Variants in GALNT13 observed in about 807,000 individuals in gnomAD.
GALNT13 encodes the protein UDP-GalNAc:polypeptide N-acetylgalactosaminyltransferase 13.
A neutral mutation model predicts 64.2 loss-of-function variants in GALNT13; 28 were observed. The observed-to-expected ratio is 0.44, with a 90% CI of 0.32 to 0.60. The LOEUF (loss-of-function observed/expected upper bound fraction) is 0.60. Among genes scored for constraint, GALNT13 ranks in the 20% least tolerant of loss-of-function variants. The pLI is 0.05. For missense variants in GALNT13, 577 were observed against 669.8 expected (o/e 0.86, Z 1.53); for synonymous variants, 214 against 224.6 (o/e 0.95, Z 0.42).
intron 9 of GALNT13, among the ~76,000 whole-genome samples, chr2:154,375,509 C>A (rs1336787656): frequency 6.6e-6 from 1 of 151,844 alleles, no homozygotes; most frequent in East Asian, 1.9e-4. Context: ...CGATAATGGA[C>A]GGAAAGAGAT....
chr2:153,974,362 A>C lies in GALNT13; in HGVS notation c.142+29723A>C, dbSNP rs114879991. Among the ~76,000 whole-genome samples the C allele has an allele frequency of 6.0e-3, 916 of 152,228 alleles. 8 individuals are homozygous for C. Among genetic ancestry groups the C allele is most frequent in the African/African-American group, 0.021 (887 of 41,564 alleles). On this transcript the variant is annotated intron_variant, in intron 3 of 12. Transcript: ENST00000392825. ...TTTTAATCAATCTGTCATTACCTGA[A>C]GGTGTGACCTTGTTAAATTCATTTG...
intron 3 of GALNT13, among the ~76,000 whole-genome samples, chr2:153,987,211 C>G (rs779317706): frequency 1.3e-5 from 2 of 151,960 alleles, no homozygotes; most frequent in African/African-American, 2.4e-5. Context: ...TGTTTAAATG[C>G]TGATTTCATT....
the GALNT13 span, among the ~76,000 whole-genome samples, chr2:153,256,171 T>G: frequency 6.6e-6 from 1 of 151,982 alleles, no homozygotes; most frequent in African/African-American, 2.4e-5. Context: ...CGTTTCTTTT[T>G]ATTCTTTTTT....
the GALNT13 span, among the ~76,000 whole-genome samples, chr2:153,600,065 G>T: frequency 6.6e-6 from 1 of 151,914 alleles, no homozygotes; most frequent in Non-Finnish European, 1.5e-5. Context: ...GAGAAACTCT[G>T]CCCTAGTTAC....
chr2:154,013,435 C>T lies in GALNT13; in HGVS notation c.142+68796C>T, dbSNP rs185201450. ...AAGGAGAATGCTGGCTGAAGCGCTTCGTAGGGTTGTTGGCAGTGGTATCAG... is the reference window on the plus strand; with the variant it reads ...AAGGAGAATGCTGGCTGAAGCGCTTTGTAGGGTTGTTGGCAGTGGTATCAG... On this transcript the variant is annotated intron_variant, in intron 3 of 12. Coordinates refer to ENST00000392825, the MANE Select transcript of GALNT13 (RefSeq NM_052917.4). Among the ~76,000 whole-genome samples, 54 of 152,150 alleles carry T rather than the reference C, an allele frequency of 3.5e-4. 1 individual carries two copies. In the East Asian group the frequency reaches 8.6e-3, roughly 24 times the overall value.
the GALNT13 span, among the ~76,000 whole-genome samples, chr2:153,558,031 C>G: frequency 6.6e-6 from 1 of 152,172 alleles, no homozygotes; most frequent in African/African-American, 2.4e-5. Flanking sequence ...GAAACTGTTT[C>G]TTTCCTTATC....
intron 8 of GALNT13, among the ~76,000 whole-genome samples, chr2:154,293,072 T>C (rs186552226): frequency 6.6e-6 from 1 of 152,280 alleles, no homozygotes; most frequent in East Asian, 1.9e-4. Flanking sequence ...TCCCTGTGGA[T>C]AATAGGATAG....
At chr2:154,111,576 C>T (rs1321748649) in intron 3 of GALNT13, among the ~76,000 whole-genome samples, 1 of 152,100 alleles carries the variant, frequency 6.6e-6, no homozygotes, top group Middle Eastern at 3.2e-3. Context: ...GGAACTAAGA[C>T]CTCTAGGCCA....
chr2:153,085,829 A>G, the GALNT13 span, among the ~76,000 whole-genome samples: 1 of 152,162 alleles, frequency 6.6e-6, no homozygotes, highest in Non-Finnish European at 1.5e-5. Context: ...TCCAGACCCC[A>G]GAATGGTAGA....
chr2:153,299,503 T>A, the GALNT13 span, among the ~76,000 whole-genome samples: 126,119 of 152,190 alleles, frequency 0.83, 53,483 homozygotes, highest in African/African-American at 0.92. Flanking sequence ...AGAAAGAGAA[T>A]CTTCACAGCC....
At chr2:153,678,463 C>T in the GALNT13 span, among the ~76,000 whole-genome samples, 5 of 151,768 alleles carry the variant, frequency 3.3e-5, no homozygotes, top group South Asian at 2.1e-4. Flanking sequence ...CACTTATATG[C>T]GGGAGCTAAA....
the GALNT13 span, among the ~76,000 whole-genome samples, chr2:153,754,419 T>A: frequency 6.6e-6 from 1 of 152,148 alleles, no homozygotes; most frequent in Non-Finnish European, 1.5e-5. Context: ...CTACCAGGAC[T>A]GGATCCTTCC....
chr2:153,561,669 G>GTGTGTGT, the GALNT13 span, among the ~76,000 whole-genome samples: 1 of 138,700 alleles, frequency 7.2e-6, no homozygotes, highest in South Asian at 2.4e-4. Context: ...GTGTGTGTGT[G>GTGTGTGT]GTGTGTATTA....
chr2:153,701,671 A>G, the GALNT13 span, among the ~76,000 whole-genome samples: 1 of 152,256 alleles, frequency 6.6e-6, no homozygotes, highest in Non-Finnish European at 1.5e-5. Context: ...AAATGGGCAA[A>G]GGATATGAAC....
intron 3 of GALNT13, among the ~76,000 whole-genome samples, chr2:154,053,104 T>G (rs1699727362): frequency 6.6e-6 from 1 of 152,192 alleles, no homozygotes; most frequent in African/African-American, 2.4e-5. Flanking sequence ...TTCCCACAGC[T>G]GATGTAATTT....
At chr2:153,964,669 T>C (rs532494947) in intron 3 of GALNT13, among the ~76,000 whole-genome samples, 2 of 152,180 alleles carry the variant, frequency 1.3e-5, no homozygotes, top group East Asian at 3.9e-4. Flanking sequence ...TAATGAAAAA[T>C]ATATTTTGTT....
chr2:153,328,402 C>T, the GALNT13 span, among the ~76,000 whole-genome samples: 1 of 152,204 alleles, frequency 6.6e-6, no homozygotes, highest in South Asian at 2.1e-4. Flanking sequence ...GCTGTACCCA[C>T]AGCTACCCCT....
At chr2:153,760,390 A>G in the GALNT13 span, among the ~76,000 whole-genome samples, 1 of 151,802 alleles carries the variant, frequency 6.6e-6, no homozygotes, top group South Asian at 2.1e-4. Context: ...AGATTTTTAA[A>G]TATAGAACTG....
At chr2:153,247,895 A>G in the GALNT13 span, among the ~76,000 whole-genome samples, 2 of 152,234 alleles carry the variant, frequency 1.3e-5, no homozygotes, top group African/African-American at 4.8e-5. Flanking sequence ...CATTGATCCC[A>G]TAGAAATACA....
Sources: allele counts gnomAD v4.1 joint callset (sites outside exome capture counted in the v4.1 genomes callset), GRCh38; gene constraint gnomAD v4.1.1; transcripts MANE v1.5; gene names NCBI Gene and HGNC (gene_info 2026-07-23, HGNC 2026-07-21).